The following RIMS1 variants were observed in gnomAD, a reference collection of about 807,000 sequenced individuals.
The protein encoded by RIMS1 is regulating synaptic membrane exocytosis 1.
In RIMS1, 83 loss-of-function variants were observed where a neutral mutation model predicts 214.1. The observed-to-expected ratio is 0.39, with a 90% CI of 0.32 to 0.47. The LOEUF (loss-of-function observed/expected upper bound fraction) is 0.47, where lower values mean the gene tolerates loss of function less well. Ranked by LOEUF, RIMS1 falls within the 20% of genes least tolerant of loss-of-function variation. The pLI is 0.99. For synonymous variants in RIMS1, 793 were observed against 786.8 expected, an observed-to-expected ratio of 1.01 and a Z score of -0.13; for missense variants, 2,050 against 2,161.8, an observed-to-expected ratio of 0.95 and a Z score of 1.03.
intron 22 of RIMS1, among the ~76,000 whole-genome samples, chr6:72,271,741 T>G (rs2083506641): frequency 6.6e-6 from 1 of 152,188 alleles, no homozygotes; most frequent in Non-Finnish European, 1.5e-5. Flanking sequence ...TGTCTATTTC[T>G]TGGTTAAGGT....
intron 4 of RIMS1, among the ~76,000 whole-genome samples, chr6:72,151,125 C>A (rs888262565): frequency 1.3e-5 from 2 of 152,166 alleles, no homozygotes; most frequent in African/African-American, 4.8e-5. Context: ...TCACTGCACG[C>A]TCCGCCTCCC....
chr6:72,366,245 A>T (rs2154395320), intron 29 of RIMS1, among the ~76,000 whole-genome samples: 1 of 152,340 alleles, frequency 6.6e-6, no homozygotes, highest in East Asian at 1.9e-4. Flanking sequence ...GAAAGTGATA[A>T]TTTTGACAGC....
At chr6:72,012,453 C>A (rs776728474) in intron 2 of RIMS1, among the ~76,000 whole-genome samples, 2 of 151,908 alleles carry the variant, frequency 1.3e-5, no homozygotes, top group Non-Finnish European at 2.9e-5. Context: ...ATGTTGTGCA[C>A]ATGTACTCTG....
chr6:71,954,743 A>C (rs932487444), intron 1 of RIMS1, among the ~76,000 whole-genome samples: 1 of 151,600 alleles, frequency 6.6e-6, no homozygotes, highest in African/African-American at 2.4e-5. Context: ...GTAAAGTAAA[A>C]TCCACAGATC....
intron 2 of RIMS1, among the ~76,000 whole-genome samples, chr6:72,078,975 C>T (rs778666965): frequency 5.3e-5 from 8 of 152,060 alleles, no homozygotes; most frequent in Admixed American, 6.6e-5. Flanking sequence ...TCACAGTTCA[C>T]GTTTGTATAA....
At chr6:72,209,341 A>T (rs948753933) in intron 6 of RIMS1, among the ~76,000 whole-genome samples, 2 of 152,214 alleles carry the variant, frequency 1.3e-5, no homozygotes, top group African/African-American at 4.8e-5. Flanking sequence ...TATAAGAGGC[A>T]TTGAAGCCTT....
At chr6:72,194,377 A>G (rs2050539464) in intron 6 of RIMS1, among the ~76,000 whole-genome samples, 1 of 152,106 alleles carries the variant, frequency 6.6e-6, no homozygotes, top group Non-Finnish European at 1.5e-5. Context: ...TAACTACTTA[A>G]TATATGTGTA....
chr6:71,975,314 A>G (rs1435108752), intron 2 of RIMS1, among the ~76,000 whole-genome samples: 1 of 152,002 alleles, frequency 6.6e-6, no homozygotes, highest in Non-Finnish European at 1.5e-5. Context: ...TAGCACTAAA[A>G]CTCCCATGTC....
At chr6:72,184,000 T>C (rs1344749831) in intron 6 of RIMS1, among the ~76,000 whole-genome samples, 3 of 152,228 alleles carry the variant, frequency 2.0e-5, no homozygotes. Context: ...TTAACTGTAG[T>C]GCATACTGTA....
chr6:71,915,038 C>A (rs1480616083), intron 1 of RIMS1, among the ~76,000 whole-genome samples: 3 of 152,112 alleles, frequency 2.0e-5, no homozygotes, highest in African/African-American at 7.2e-5. Context: ...ATTTGAGGAG[C>A]TTGTTTTTTT....
chr6:72,270,274 A>G (rs2082376369), intron 22 of RIMS1, among the ~76,000 whole-genome samples: 1 of 151,536 alleles, frequency 6.6e-6, no homozygotes. Flanking sequence ...TTAAAACAAT[A>G]TTGGGGGAAA....
chr6:72,000,219 A>T (rs188691466), intron 2 of RIMS1, among the ~76,000 whole-genome samples: 6 of 152,242 alleles, frequency 3.9e-5, no homozygotes, highest in African/African-American at 1.4e-4. Context: ...AAGTGGAAAA[A>T]CATATCCTGA....
intron 4 of RIMS1, among the ~76,000 whole-genome samples, chr6:72,139,436 A>C (rs1819067): frequency 0.48 from 73,251 of 151,940 alleles, 18,883 homozygotes; most frequent in East Asian, 0.82. Context: ...CTTAAAAAGC[A>C]CTGCCCACCC....
intron 6 of RIMS1, among the ~76,000 whole-genome samples, chr6:72,206,274 A>G (rs1166470317): frequency 6.6e-6 from 1 of 152,158 alleles, no homozygotes; most frequent in African/African-American, 2.4e-5. Flanking sequence ...TCACTTTTCA[A>G]TGAAGTACTT....
At chr6:72,286,330 G>A (rs2092303042) in intron 24 of RIMS1, among the ~76,000 whole-genome samples, 1 of 152,156 alleles carries the variant, frequency 6.6e-6, no homozygotes, top group Non-Finnish European at 1.5e-5. Context: ...GTCAGCTGGA[G>A]GTGCTTAACT....
At chr6:72,142,418 A>G (rs1431212240) in intron 4 of RIMS1, among the ~76,000 whole-genome samples, 3 of 152,084 alleles carry the variant, frequency 2.0e-5, no homozygotes, top group Admixed American at 6.5e-5. Context: ...CGTTTTATGT[A>G]TTTTAACAGG....
intron 29 of RIMS1, among the ~76,000 whole-genome samples, chr6:72,335,032 T>C (rs1223980790): frequency 6.6e-6 from 1 of 151,874 alleles, no homozygotes; most frequent in African/African-American, 2.4e-5. Flanking sequence ...TTTTTTATGG[T>C]GGTGCTTCCT....
chr6:72,191,307 C>T (rs2050031790), intron 6 of RIMS1, among the ~76,000 whole-genome samples: 2 of 152,194 alleles, frequency 1.3e-5, no homozygotes, highest in African/African-American at 2.4e-5. Flanking sequence ...TATCCTTTAC[C>T]TTCCTTAGAG....
intron 1 of RIMS1, among the ~76,000 whole-genome samples, chr6:71,902,818 G>A (rs1774099615): frequency 6.6e-6 from 1 of 152,084 alleles, no homozygotes; most frequent in South Asian, 2.1e-4. Flanking sequence ...GAGGATAATG[G>A]CTTCCAGCTC....
Sources: gnomAD v4.1 joint callset for allele counts (sites outside exome capture counted in the v4.1 genomes callset) on GRCh38, gnomAD v4.1.1 for gene constraint, MANE v1.5 for transcripts, NCBI Gene and HGNC (gene_info 2026-07-23, HGNC 2026-07-21) for gene names.